MCCC2: variants seen among roughly 807,000 people sequenced by gnomAD.
MCCC2 encodes the protein methylcrotonyl-CoA carboxylase subunit 2.
A neutral mutation model predicts 77.2 loss-of-function variants in MCCC2; 52 were observed. The observed-to-expected ratio is 0.67, with a 90% CI of 0.54 to 0.85. The LOEUF (loss-of-function observed/expected upper bound fraction) is 0.85. Among genes scored for constraint, MCCC2 ranks in the 40% least tolerant of loss-of-function variants. The probability of loss-of-function intolerance (pLI) is 0.00; values close to 1 mark genes in which losing one functional copy is unlikely to be tolerated. For missense variants in MCCC2, 682 were observed against 703.2 expected (o/e 0.97, Z 0.34); for synonymous variants, 253 against 248.4 (o/e 1.02, Z -0.18).
intron 12 of MCCC2, among the ~76,000 whole-genome samples, chr5:71,645,378 A>G (rs1747248088): frequency 6.6e-6 from 1 of 152,270 alleles, no homozygotes; most frequent in African/African-American, 2.4e-5. Context: ...AATGGTTTAT[A>G]AGAGTTTCCT....
At chr5:71,639,561 C>T (rs62363363) in intron 10 of MCCC2, among the ~76,000 whole-genome samples, 7,249 of 152,294 alleles carry the variant, frequency 0.048, 249 homozygotes, top group Non-Finnish European at 0.075. Flanking sequence ...ACTACTCAAA[C>T]CTTCTCCATA....
intron 6 of MCCC2, among the ~76,000 whole-genome samples, chr5:71,615,437 C>T (rs993434934): frequency 6.6e-6 from 1 of 152,136 alleles, no homozygotes; most frequent in East Asian, 1.9e-4. Context: ...CTTCATGCCA[C>T]TGGGGTGCCC....
At chr5:71,599,619 T>G (rs1339603476) in intron 3 of MCCC2, 40 bp from the exon 4 acceptor site, 1 of 1,507,440 alleles carries the variant, frequency 6.6e-7, no homozygotes, top group Non-Finnish European at 9.2e-7. Context: ...GTGTAGTTTT[T>G]AATGACATTA....
intron 16 of MCCC2, among the ~76,000 whole-genome samples, chr5:71,656,514 C>G (rs940822936): frequency 6.6e-6 from 1 of 152,122 alleles, no homozygotes; most frequent in African/African-American, 2.4e-5. Flanking sequence ...AGCCTTAAGC[C>G]TGACATGACA....
chr5:71,626,917 T>C (rs978764654), intron 7 of MCCC2, among the ~76,000 whole-genome samples, 164 bp downstream of exon 7: 1 of 152,268 alleles, frequency 6.6e-6, no homozygotes, highest in Non-Finnish European at 1.5e-5. Context: ...ACGTTTAGTA[T>C]GTTCATATTG....
intron 6 of MCCC2, among the ~76,000 whole-genome samples, chr5:71,623,136 C>T (rs966268464): frequency 1.3e-5 from 2 of 152,236 alleles, no homozygotes; most frequent in African/African-American, 2.4e-5. Flanking sequence ...TGTCTCAAGT[C>T]TTCAGATGCA....
At chr5:71,616,568 C>T (rs1319121651) in intron 6 of MCCC2, among the ~76,000 whole-genome samples, 2 of 152,160 alleles carry the variant, frequency 1.3e-5, no homozygotes, top group African/African-American at 4.8e-5. Flanking sequence ...TTTCCTCTGT[C>T]TTTTCAGACT....
chr5:71,589,178 T>C (rs1251772840), intron 1 of MCCC2, among the ~76,000 whole-genome samples: 1 of 152,158 alleles, frequency 6.6e-6, no homozygotes, highest in Non-Finnish European at 1.5e-5. Context: ...ATGGATGACT[T>C]TGGAGTTTCC....
At chr5:71,623,938 C>T (rs191018044) in intron 6 of MCCC2, among the ~76,000 whole-genome samples, 13 of 152,344 alleles carry the variant, frequency 8.5e-5, no homozygotes, top group Non-Finnish European at 1.5e-4. Flanking sequence ...CATCCTTCTT[C>T]CCCTACTCAA....
At chr5:71,626,542 C>T (rs1216717858) in intron 6 of MCCC2, 98 bp from the exon 7 acceptor site, 2 of 891,634 alleles carry the variant, frequency 2.2e-6, no homozygotes, top group Admixed American at 3.8e-5. Flanking sequence ...CAGTAATATC[C>T]CCTGGTCACT....
At chr5:71,597,631 G>A (rs1745240073) in intron 3 of MCCC2, among the ~76,000 whole-genome samples, 1 of 152,138 alleles carries the variant, frequency 6.6e-6, no homozygotes, top group Admixed American at 6.5e-5. Context: ...GGAGTGTAAG[G>A]GGGAGAAGAG....
Position 71,643,412 on chromosome 5 carries a change from A to G in MCCC2, c.1073-407A>G, listed in dbSNP as rs372861557. 1.6e-3 allele frequency among the ~76,000 whole-genome samples: 239 copies of G among 152,226 alleles called. 2 individuals carry two copies. The highest frequency in any genetic ancestry group is 5.6e-3 in the African/African-American group (231 of 41,474). On this transcript the variant is annotated intron_variant, in intron 11 of 16. Coordinates refer to ENST00000340941, the MANE Select transcript of MCCC2 (RefSeq NM_022132.5). ...AAAAAAAAATTCAGTTTTCTGGCTT[A>G]TCAGTATGTTGATACTCTCTCTTAT...
chr5:71,619,556 CGTT>C (rs1241880165), intron 6 of MCCC2, among the ~76,000 whole-genome samples: 1 of 151,798 alleles, frequency 6.6e-6, no homozygotes, highest in Non-Finnish European at 1.5e-5. Flanking sequence ...TGTGGCCTCT[CGTT>C]GTTTTATTTG....
chr5:71,644,490 C>T (rs1012730964), intron 12 of MCCC2, among the ~76,000 whole-genome samples: 8 of 151,904 alleles, frequency 5.3e-5, no homozygotes, highest in Non-Finnish European at 8.8e-5. Context: ...ATTCAATCCT[C>T]CAAGACATCA....
At position 71,615,848 on chromosome 5, in the gene MCCC2, CTGGG is replaced by C. The variant is rs200015870; in HGVS notation, c.625-10789_625-10786del. The stretch of plus-strand genomic sequence containing the variant: ...GAGCTCCAAAATCCCTTGGAATTTC[CTGGG>C]TGATAGGAGCATCTTTTATTCTGAT... On this transcript the variant is annotated intron_variant, in intron 6 of 16. Coordinates refer to ENST00000340941, the MANE Select transcript of MCCC2 (RefSeq NM_022132.5). 9.5e-3 allele frequency among the ~76,000 whole-genome samples: 1,444 copies of C among 152,196 alleles called. 25 individuals carry two copies. The highest frequency in any genetic ancestry group is 0.033 in the African/African-American group (1,377 of 41,534).
chr5:71,633,124 TATATATA>T (rs1360498569), intron 8 of MCCC2, among the ~76,000 whole-genome samples: 20 of 80,598 alleles, frequency 2.5e-4, no homozygotes, highest in South Asian at 4.2e-4. Context: ...TATATATATA[TATATATA>T]TTTTTATTTT....
At chr5:71,620,698 A>T (rs1296597222) in intron 6 of MCCC2, among the ~76,000 whole-genome samples, 3 of 152,176 alleles carry the variant, frequency 2.0e-5, no homozygotes, top group African/African-American at 7.2e-5. Context: ...GCTTTTCTGG[A>T]TGATTACCTC....
At chr5:71,596,488 T>C (rs927099249) in intron 3 of MCCC2, 124 bp downstream of exon 3, 2 of 881,110 alleles carry the variant, frequency 2.3e-6, no homozygotes, top group African/African-American at 3.3e-5. Flanking sequence ...CATGTGTTTA[T>C]TGAGAGCCTA....
chr5:71,618,346 C>T (rs1746237585), intron 6 of MCCC2, among the ~76,000 whole-genome samples: 1 of 152,168 alleles, frequency 6.6e-6, no homozygotes, highest in African/African-American at 2.4e-5. Flanking sequence ...CACACACTTG[C>T]CCTCTCTTGC....
Sources: gnomAD v4.1 joint callset for allele counts (sites outside exome capture counted in the v4.1 genomes callset) on GRCh38, gnomAD v4.1.1 for gene constraint, MANE v1.5 for transcripts, NCBI Gene and HGNC (gene_info 2026-07-23, HGNC 2026-07-21) for gene names.